The following SMG1 variants were observed in gnomAD, a reference collection of about 807,000 sequenced individuals.
SMG1 encodes the protein SMG1 nonsense mediated mRNA decay associated PI3K related kinase.
SMG1 carries 22 observed loss-of-function variants against 419.9 expected under a neutral mutation model. That is an observed-to-expected ratio of 0.05 (90% CI 0.04 to 0.07). The LOEUF is 0.07. SMG1 is among the 10% of genes least tolerant of loss of function. SMG1 has a pLI of 1.00. For missense variants in SMG1, 3,185 were observed against 4,342.0 expected (o/e 0.73, Z 7.49); for synonymous variants, 1,538 against 1,553.5 (o/e 0.99, Z 0.23).
chr16:18,815,668 A>C lies in SMG1; in HGVS notation c.10303-17T>G, dbSNP rs760164648. ...TTCTTCATCCTAGAATTGATAAATTAATGATTAAGAAAAATAGTTTTAGTA... is the reference window on the plus strand; with the variant it reads ...TTCTTCATCCTAGAATTGATAAATTCATGATTAAGAAAAATAGTTTTAGTA... On this transcript the variant is annotated splice_polypyrimidine_tract_variant and intron_variant, in intron 58 of 62. Transcript: ENST00000446231. The C allele has an allele frequency of 4.2e-5, 67 of 1,601,342 alleles. No individual in the cohort carries two copies. Among genetic ancestry groups the C allele is most frequent in the Non-Finnish European group, 1.5e-5 (17 of 1,170,720 alleles).
intron 1 of SMG1, among the ~76,000 whole-genome samples, chr16:18,922,371 A>T (rs536603876): frequency 4.6e-5 from 7 of 152,324 alleles, no homozygotes; most frequent in Non-Finnish European, 1.0e-4. Flanking sequence ...CATATGAAAA[A>T]AACCAGAGGC....
chr16:18,921,281 G>C (rs2038190348), intron 1 of SMG1, among the ~76,000 whole-genome samples: 1 of 152,082 alleles, frequency 6.6e-6, no homozygotes, highest in African/African-American at 2.4e-5. Flanking sequence ...AGGAAGTCAA[G>C]GCTGCAGTGA....
In SMG1 at chr16:18,847,539, C is replaced by T. The variant is rs750334207; in HGVS notation, c.5910G>A (p.Leu1970=). The change falls in exon 38 of 63, where the codon TTG becomes TTA. Residue 1970 remains leucine, a synonymous_variant. Transcript: ENST00000446231. The part of the protein sequence containing the change: ...VLWDELWLGV[L]LQQHMYVLRR... The stretch of plus-strand genomic sequence containing the variant: ...TCAGGACATACATGTGTTGTTGCAG[C>T]AAAACTCCCAGCCAGAGCTCATCCC... 3 of 1,614,026 alleles carry T rather than the reference C, an allele frequency of 1.9e-6. No individual in the cohort carries two copies. The highest frequency in any genetic ancestry group is 8.5e-7 in the Non-Finnish European group (1 of 1,179,888).
At chr16:18,866,148 T>C (rs192373829) in intron 23 of SMG1, 451 of 177,762 alleles carry the variant, frequency 2.5e-3, no homozygotes, top group Admixed American at 4.1e-3. Context: ...TACAAAGATA[T>C]GGAAGTATGA....
chr16:18,875,513 C>G (rs1402548708), intron 13 of SMG1: 1 of 152,864 alleles, frequency 6.5e-6, no homozygotes. Flanking sequence ...ATCGCTTGTA[C>G]CCGGGAGGCG....
intron 1 of SMG1, among the ~76,000 whole-genome samples, chr16:18,897,707 T>C (rs1290421032): frequency 6.6e-6 from 1 of 152,162 alleles, no homozygotes; most frequent in Non-Finnish European, 1.5e-5. Context: ...CTCATCTAAG[T>C]ATCTGCTCTA....
chr16:18,845,281 G>A (rs2034193167), intron 39 of SMG1, 148 bp downstream of exon 39: 1 of 632,138 alleles, frequency 1.6e-6, no homozygotes. Context: ...TTTTTTCTAT[G>A]TTCCTTATAA....
At chr16:18,867,297 G>A (rs1199765801) in intron 22 of SMG1, among the ~76,000 whole-genome samples, 33 of 152,112 alleles carry the variant, frequency 2.2e-4, no homozygotes, top group Admixed American at 2.1e-3. Context: ...ACTTTGGAAG[G>A]CCGAGGTGGG....
chr16:18,878,199 C>G (rs1234547856), intron 11 of SMG1: 1 of 151,168 alleles, frequency 6.6e-6, no homozygotes, highest in Non-Finnish European at 1.5e-5. Context: ...GTCAGGAGAT[C>G]GAGACCATCC....
chr16:18,888,051 GCTA>G (rs1378651441), intron 6 of SMG1, among the ~76,000 whole-genome samples: 4 of 150,614 alleles, frequency 2.7e-5, no homozygotes, highest in Non-Finnish European at 4.4e-5. Context: ...TGTAATACCA[GCTA>G]CTCGGGAGGC....
Position 18,838,239 on chromosome 16 carries a change from T to G in SMG1, c.7195-7A>C. On this transcript the variant is annotated splice_region_variant and splice_polypyrimidine_tract_variant and intron_variant, in intron 44 of 62. Coordinates refer to ENST00000446231, the MANE Select transcript of SMG1 (RefSeq NM_015092.5). ...GCCGCATAATGTGTAAAACCTGTTT[T>G]CAGGAGAGTTTTTAAAATAAGGTCT... 6.2e-7 allele frequency: 1 copy of G among 1,609,390 alleles called. No individual in the cohort carries two copies. The highest frequency in any genetic ancestry group is 2.2e-5 in the East Asian group (1 of 44,788).
In SMG1 at chr16:18,836,443, G is replaced by A; in HGVS notation, c.7694C>T (p.Thr2565Ile). The change falls in exon 47 of 63, where the codon ACA becomes ATA. Residue 2565 changes from threonine to isoleucine, a missense_variant. Thr to Ile is a moderately conservative substitution (Grantham distance 89). This residue lies in a region of SMG1 where 412 missense variants were observed against 546.6 expected (regional missense o/e 0.75). Transcript: ENST00000446231. Reference protein sequence around the residue: ...VKLNEFEQWITHYQAAFNNLE... With the variant: ...VKLNEFEQWIIHYQAAFNNLE... ...ATTATTGAATGCAGCCTGATAATGT[G>A]TTATCCATTGTTCAAATTCATTCAG... is the stretch of plus-strand genomic sequence containing the variant. 1 of 1,614,032 alleles carries A rather than the reference G, an allele frequency of 6.2e-7. No homozygotes were observed. Among genetic ancestry groups the A allele is most frequent in the African/African-American group, 1.3e-5 (1 of 75,060 alleles).
chr16:18,904,559 A>C (rs1183853851), intron 1 of SMG1, among the ~76,000 whole-genome samples: 1 of 151,794 alleles, frequency 6.6e-6, no homozygotes, highest in Non-Finnish European at 1.5e-5. Context: ...AATCGTTTGA[A>C]CCCAGGAGGC....
chr16:18,879,463 C>T (rs1344437333), intron 11 of SMG1, 32 bp downstream of exon 11: 6 of 868,222 alleles, frequency 6.9e-6, no homozygotes, highest in South Asian at 1.4e-5. Context: ...AATAAACCAA[C>T]ACATTAAAAA....
intron 27 of SMG1, 170 bp downstream of exon 27, chr16:18,859,386 T>G (rs1248640776): frequency 2.8e-6 from 2 of 724,492 alleles, no homozygotes; most frequent in Admixed American, 2.9e-5. Flanking sequence ...TCAACCTCAG[T>G]TTATGTTGGC....
At chr16:18,830,485 G>A (rs760167082) in intron 51 of SMG1, 116 bp from the exon 52 acceptor site, 15 of 1,195,496 alleles carry the variant, frequency 1.3e-5, no homozygotes, top group Non-Finnish European at 1.5e-5. Flanking sequence ...AAGCCTTCTG[G>A]CATTAAGAAG....
chr16:18,863,536 G>C, intron 25 of SMG1, 114 bp downstream of exon 25: 1 of 934,334 alleles, frequency 1.1e-6, no homozygotes, highest in Non-Finnish European at 1.7e-6. Context: ...CAGTAAGTTA[G>C]ATATATAACC....
intron 48 of SMG1, 53 bp from the exon 49 acceptor site, chr16:18,835,217 C>A: frequency 6.6e-7 from 1 of 1,520,442 alleles, no homozygotes; most frequent in Admixed American, 2.0e-5. Context: ...CCCCAACATA[C>A]AAAAGAATAT....
chr16:18,894,043 AGATACTC>A (rs776091955), intron 3 of SMG1, among the ~76,000 whole-genome samples: 6 of 148,062 alleles, frequency 4.1e-5, no homozygotes, highest in Non-Finnish European at 7.4e-5. Context: ...GGTGACAGGG[AGATACTC>A]CATCTCATAA....
Sources: gnomAD v4.1 joint callset for allele counts (sites outside exome capture counted in the v4.1 genomes callset) on GRCh38, gnomAD v4.1.1 for gene constraint, gnomAD v4.1.1 regional missense constraint, MANE v1.5 for transcripts, NCBI Gene and HGNC (gene_info 2026-07-23, HGNC 2026-07-21) for gene names.